The following SH3RF3 variants were observed in gnomAD, a reference collection of about 807,000 sequenced individuals.
SH3RF3 encodes the protein SH3 domain containing ring finger 3, also known as E3 ubiquitin-protein ligase SH3RF3.
In SH3RF3, 29 loss-of-function variants were observed where a neutral mutation model predicts 66.3. That is an observed-to-expected ratio of 0.44 (90% CI 0.33 to 0.60). The LOEUF is 0.60. Among genes scored for constraint, SH3RF3 ranks in the 20% least tolerant of loss-of-function variants. The pLI is 0.04. For synonymous variants in SH3RF3, 583 were observed against 532.0 expected, an observed-to-expected ratio of 1.10 and a Z score of -1.32; for missense variants, 1,194 against 1,190.9, an observed-to-expected ratio of 1.00 and a Z score of -0.04.
At chr2:109,459,891 G>A (rs1233806032) in intron 8 of SH3RF3, among the ~76,000 whole-genome samples, 2 of 152,140 alleles carry the variant, frequency 1.3e-5, no homozygotes, top group Admixed American at 1.3e-4. Context: ...TGATTCCTGG[G>A]CCCATGAGTC....
intron 4 of SH3RF3, among the ~76,000 whole-genome samples, chr2:109,401,649 C>T: frequency 6.6e-6 from 1 of 152,208 alleles, no homozygotes; most frequent in Non-Finnish European, 1.5e-5. Flanking sequence ...CCCAAGAGGG[C>T]CAGGGGCATC....
intron 4 of SH3RF3, among the ~76,000 whole-genome samples, chr2:109,404,659 A>T (rs1323906385): frequency 6.6e-6 from 1 of 151,990 alleles, no homozygotes; most frequent in East Asian, 1.9e-4. Context: ...AGCAGAGCTG[A>T]CCCCTCTCCC....
intron 8 of SH3RF3, among the ~76,000 whole-genome samples, chr2:109,467,229 T>C (rs1481320440): frequency 6.6e-6 from 1 of 152,222 alleles, no homozygotes; most frequent in East Asian, 1.9e-4. Flanking sequence ...AGACTGGAAA[T>C]GGCCCAGATG....
At chr2:109,205,870 T>C (rs1273367797) in intron 1 of SH3RF3, among the ~76,000 whole-genome samples, 2 of 152,198 alleles carry the variant, frequency 1.3e-5, no homozygotes, top group Non-Finnish European at 2.9e-5. Context: ...CCTTTCCGCT[T>C]CCTGTTTTTT....
At chr2:109,273,714 G>A (rs367639644) in intron 1 of SH3RF3, among the ~76,000 whole-genome samples, 66 of 152,300 alleles carry the variant, frequency 4.3e-4, no homozygotes, top group African/African-American at 1.3e-3. Context: ...GATCTATCAC[G>A]TTGCAGGGTA....
At chr2:109,217,461 C>T (rs1679125820) in intron 1 of SH3RF3, among the ~76,000 whole-genome samples, 1 of 152,318 alleles carries the variant, frequency 6.6e-6, no homozygotes, top group African/African-American at 2.4e-5. Flanking sequence ...TTTATGGCCA[C>T]GATTGGTAAA....
chr2:109,374,459 A>T (rs1339717524), intron 3 of SH3RF3, among the ~76,000 whole-genome samples: 1 of 152,194 alleles, frequency 6.6e-6, no homozygotes, highest in Non-Finnish European at 1.5e-5. Flanking sequence ...TGGATCGGAA[A>T]GTCCTGGTTT....
At chr2:109,322,290 C>A (rs1053900369) in intron 1 of SH3RF3, among the ~76,000 whole-genome samples, 4 of 151,936 alleles carry the variant, frequency 2.6e-5, no homozygotes, top group African/African-American at 4.8e-5. Flanking sequence ...AAATCCAGAT[C>A]CTGCTCTGTA....
intron 3 of SH3RF3, among the ~76,000 whole-genome samples, chr2:109,395,622 G>T (rs776183986): frequency 2.5e-4 from 38 of 152,354 alleles, no homozygotes; most frequent in Admixed American, 5.2e-4. Context: ...GATGCATGCT[G>T]TCTCCCCACC....
At chr2:109,275,566 A>G (rs1393594470) in intron 1 of SH3RF3, among the ~76,000 whole-genome samples, 2 of 152,178 alleles carry the variant, frequency 1.3e-5, no homozygotes, top group Non-Finnish European at 2.9e-5. Context: ...TTGGCTGATG[A>G]GCACTCAAAA....
intron 1 of SH3RF3, among the ~76,000 whole-genome samples, chr2:109,159,484 A>G (rs531635417): frequency 6.6e-6 from 1 of 152,330 alleles, no homozygotes; most frequent in South Asian, 2.1e-4. Flanking sequence ...CTTGTTTTAC[A>G]AGTCAGCTTT....
chr2:109,341,880 C>T (rs1682559357), intron 1 of SH3RF3, among the ~76,000 whole-genome samples: 1 of 152,228 alleles, frequency 6.6e-6, no homozygotes, highest in African/African-American at 2.4e-5. Flanking sequence ...ATGAAGGCTT[C>T]TGCTGGAAGC....
At chr2:109,467,774 T>A (rs1398134770) in intron 8 of SH3RF3, among the ~76,000 whole-genome samples, 1 of 152,240 alleles carries the variant, frequency 6.6e-6, no homozygotes, top group Non-Finnish European at 1.5e-5. Context: ...ACCTTTTGCC[T>A]GATCTGACCG....
In SH3RF3 at chr2:109,432,599, G is replaced by T. The variant is rs201739062; in HGVS notation, c.1502G>T (p.Trp501Leu). The T allele has an allele frequency of 1.8e-4, 283 of 1,613,278 alleles. No individual in the cohort carries two copies. Among genetic ancestry groups the T allele is most frequent in the Admixed American group, 3.3e-5 (2 of 59,914 alleles). The change falls in exon 6 of 10, where the codon TGG becomes TTG. Residue 501 changes from tryptophan to leucine, a missense_variant. Coordinates refer to ENST00000309415, the MANE Select transcript of SH3RF3 (RefSeq NM_001099289.3). Reference protein sequence around the residue: ...YRVLEKCQDGWFKGASLRTGV... With the variant: ...YRVLEKCQDGLFKGASLRTGV... ...GTCCTCGAGAAGTGTCAGGATGGCT[G>T]GTTCAAGGGGGCGTCTCTGAGGACC...
At chr2:109,281,235 C>T (rs1369246927) in intron 1 of SH3RF3, among the ~76,000 whole-genome samples, 2 of 152,232 alleles carry the variant, frequency 1.3e-5, no homozygotes, top group Admixed American at 6.5e-5. Context: ...CTGGAGGGCA[C>T]ACTTAGGGGC....
intron 1 of SH3RF3, among the ~76,000 whole-genome samples, chr2:109,256,449 G>T (rs961361712): frequency 1.3e-5 from 2 of 151,776 alleles, no homozygotes; most frequent in African/African-American, 4.9e-5. Flanking sequence ...GACTGAAACA[G>T]GGAGACGAGT....
In SH3RF3 at chr2:109,406,574, C is replaced by T. The variant is rs181170493; in HGVS notation, c.1299+7631C>T. 3.9e-5 allele frequency among the ~76,000 whole-genome samples: 6 copies of T among 152,336 alleles called. No homozygotes were observed. In the East Asian group the frequency reaches 9.6e-4, roughly 24 times the overall value. On this transcript the variant is annotated intron_variant, in intron 4 of 9. Coordinates refer to ENST00000309415, the MANE Select transcript of SH3RF3 (RefSeq NM_001099289.3). The stretch of plus-strand genomic sequence containing the variant: ...AACACCAGGCTGAGTCTAGCCACTA[C>T]TTGTTTTGGTAAATGAAAGCTTTGC...
intron 1 of SH3RF3, among the ~76,000 whole-genome samples, chr2:109,230,646 G>T (rs925170187): frequency 1.3e-5 from 2 of 152,178 alleles, no homozygotes; most frequent in Non-Finnish European, 2.9e-5. Flanking sequence ...TTATGGTGGG[G>T]TTATGTCCTG....
At chr2:109,414,526 C>T (rs571950466) in intron 4 of SH3RF3, among the ~76,000 whole-genome samples, 5 of 152,246 alleles carry the variant, frequency 3.3e-5, no homozygotes, top group Non-Finnish European at 5.9e-5. Context: ...GGCTCACAGA[C>T]GCCATCTTGG....
Sources: gnomAD v4.1 joint callset for allele counts (sites outside exome capture counted in the v4.1 genomes callset) on GRCh38, gnomAD v4.1.1 for gene constraint, MANE v1.5 for transcripts, NCBI Gene and HGNC (gene_info 2026-07-23, HGNC 2026-07-21) for gene names.